Variants in CDR2 observed in about 807,000 individuals in gnomAD.
CDR2 encodes cerebellar degeneration related protein 2, also known as cerebellar degeneration-related protein 2.
In CDR2, 34 loss-of-function variants were observed where a neutral mutation model predicts 48.4. The observed-to-expected ratio is 0.70, with a 90% CI of 0.53 to 0.94. The LOEUF is 0.94. Ranked by LOEUF, CDR2 falls within the 40% of genes least tolerant of loss-of-function variation. CDR2 has a pLI of 0.00. For synonymous variants in CDR2, 240 were observed against 219.7 expected (o/e 1.09, Z -0.82); for missense variants, 498 against 549.5 (o/e 0.91, Z 0.94).
chr16:22,346,805 T>TA lies in CDR2; in HGVS notation c.*159dup, dbSNP rs2048907835. 1.3e-6 allele frequency: 1 copy of TA among 785,844 alleles called. No homozygotes were observed. The highest frequency in any genetic ancestry group is 1.7e-5 in the African/African-American group (1 of 57,796). 48.7% of individuals were successfully genotyped at this position (785,844 alleles called of 1,614,324 possible). On this transcript the variant is annotated 3_prime_UTR_variant, in exon 5 of 5. Coordinates refer to ENST00000268383, the MANE Select transcript of CDR2 (RefSeq NM_001802.2). ...AAGTGGATCAGAGAACTGATACCACTAGCCACCTCCTTTCCTCGTTGTATG... is the reference window on the plus strand; with the variant it reads ...AAGTGGATCAGAGAACTGATACCACTAAGCCACCTCCTTTCCTCGTTGTATG...
intron 2 of CDR2, among the ~76,000 whole-genome samples, chr16:22,356,428 G>A (rs2048974366): frequency 6.6e-6 from 1 of 152,146 alleles, no homozygotes; most frequent in South Asian, 2.1e-4. Flanking sequence ...GACCAGCCTG[G>A]CCAACATGGC....
In CDR2 at chr16:22,349,816, T is replaced by C. The variant is rs774478856; in HGVS notation, c.226A>G (p.Met76Val). The C allele has an allele frequency of 5.0e-6, 8 of 1,614,196 alleles. No individual in the cohort carries two copies. In the South Asian group the frequency reaches 7.7e-5, roughly 16 times the overall value. Reference protein sequence around the residue: ...LTKQVELLRQMNEQHAKVYEQ... With the variant: ...LTKQVELLRQVNEQHAKVYEQ... ...TAAACCTTTGCATGTTGTTCGTTCATCTGCCGTAGAAGTTCCACTTGCTTC... is the reference window on the plus strand; with the variant it reads ...TAAACCTTTGCATGTTGTTCGTTCACCTGCCGTAGAAGTTCCACTTGCTTC... The change falls in exon 3 of 5, where the codon ATG (methionine) becomes GTG (valine). Residue 76 changes from methionine (M) to valine (V), a missense_variant. Transcript: ENST00000268383.
chr16:22,348,997 T>G (rs1395729068), intron 4 of CDR2, among the ~76,000 whole-genome samples: 1 of 152,220 alleles, frequency 6.6e-6, no homozygotes, highest in Admixed American at 6.5e-5. Context: ...TTCACTCTAA[T>G]GTAAAACACA....
chr16:22,362,920 G>A (rs572148377), intron 2 of CDR2, among the ~76,000 whole-genome samples: 10 of 150,310 alleles, frequency 6.7e-5, no homozygotes, highest in African/African-American at 2.4e-4. Flanking sequence ...TAGTTTCTCT[G>A]CATTTTAGGT....
chr16:22,365,195 G>A (rs946976740), intron 1 of CDR2, 181 bp from the exon 2 acceptor site: 1 of 560,196 alleles, frequency 1.8e-6, no homozygotes, highest in Non-Finnish European at 3.2e-6. Flanking sequence ...AGCAGGTAAT[G>A]TATTCTCTTA....
At chr16:22,354,804 G>C (rs1004355761) in intron 2 of CDR2, among the ~76,000 whole-genome samples, 4 of 152,036 alleles carry the variant, frequency 2.6e-5, no homozygotes, top group Non-Finnish European at 5.9e-5. Flanking sequence ...TGAGGCATGA[G>C]AATCACTTGA....
rs771379181 is a variant in CDR2, at chr16:22,374,261, G to A, written c.49C>T (p.Pro17Ser). The change falls in exon 1 of 5, where the codon CCG becomes TCG. Residue 17 changes from proline (P) to serine (S), a missense_variant. Pro to Ser is a moderately conservative substitution (Grantham distance 74, BLOSUM62 -1). Coordinates refer to ENST00000268383, the MANE Select transcript of CDR2 (RefSeq NM_001802.2). The stretch of plus-strand genomic sequence containing the variant: ...TGGAGGTCCTGGTGGTCGTACCACG[G>A]CTCGTCCTCCTTCATCTCAAACTCC... The part of the protein sequence containing the change: ...VEEFEMKEDE[P>S]WYDHQDLQQD... The A allele has an allele frequency of 2.7e-5, 43 of 1,603,074 alleles. 1 individual carries two copies. In the Admixed American group the frequency reaches 5.7e-4, roughly 21 times the overall value.
chr16:22,361,536 C>CG (rs2049010357), intron 2 of CDR2, among the ~76,000 whole-genome samples: 1 of 152,188 alleles, frequency 6.6e-6, no homozygotes, highest in Non-Finnish European at 1.5e-5. Flanking sequence ...CTACATCTGC[C>CG]CAGGCACAGT....
intron 1 of CDR2, among the ~76,000 whole-genome samples, chr16:22,373,948 T>A (rs2049097812): frequency 6.6e-6 from 1 of 152,220 alleles, no homozygotes; most frequent in South Asian, 2.1e-4. Flanking sequence ...AGGATTAAAC[T>A]AGCTAATCCA....
intron 2 of CDR2, among the ~76,000 whole-genome samples, chr16:22,362,017 T>A (rs1313002786): frequency 3.4e-5 from 5 of 148,012 alleles, no homozygotes; most frequent in African/African-American, 1.2e-4. Context: ...ATCTCCTGCC[T>A]CAGCCTCCCA....
At chr16:22,369,844 CAAAAG>C (rs1259688761) in intron 1 of CDR2, among the ~76,000 whole-genome samples, 1 of 152,046 alleles carries the variant, frequency 6.6e-6, no homozygotes, top group African/African-American at 2.4e-5. Context: ...AATTAAGGCA[CAAAAG>C]AAAAGGAAAT....
chr16:22,372,909 T>C (rs923034476), intron 1 of CDR2, among the ~76,000 whole-genome samples: 2 of 152,228 alleles, frequency 1.3e-5, no homozygotes, highest in Non-Finnish European at 2.9e-5. Flanking sequence ...ACAAGCAACA[T>C]GATCATTTAA....
At chr16:22,359,828 A>G (rs950678056) in intron 2 of CDR2, among the ~76,000 whole-genome samples, 11 of 152,232 alleles carry the variant, frequency 7.2e-5, no homozygotes, top group Non-Finnish European at 1.2e-4. Context: ...CTCTGTTAAA[A>G]TACTGATTTC....
chr16:22,356,872 C>A (rs1409499245), intron 2 of CDR2, among the ~76,000 whole-genome samples: 1 of 140,572 alleles, frequency 7.1e-6, no homozygotes, highest in African/African-American at 2.7e-5. Flanking sequence ...ACCTGCGAGG[C>A]AGAAGTTGCA....
At position 22,349,730 on chromosome 16, in the gene CDR2, G is replaced by A; in HGVS notation, c.312C>T (p.Asp104=). 3 of 1,614,108 alleles carry A rather than the reference G, an allele frequency of 1.9e-6. No homozygotes were observed. The highest frequency in any genetic ancestry group is 1.1e-5 in the South Asian group (1 of 91,084). Residue 104 remains aspartate, a synonymous_variant, in exon 3 of 5, where the codon GAC becomes GAT. Transcript: ENST00000268383. The part of the protein sequence containing the change: ...LEETNQKLVA[D]SKASQQKILS... ...GAATCTTTTGCTGTGAGGCCTTGCTGTCAGCAACTAGCTTTTGATTTGTTT... is the reference window on the plus strand; with the variant it reads ...GAATCTTTTGCTGTGAGGCCTTGCTATCAGCAACTAGCTTTTGATTTGTTT...
At chr16:22,353,591 T>TG (rs1438565776) in intron 2 of CDR2, among the ~76,000 whole-genome samples, 2 of 152,202 alleles carry the variant, frequency 1.3e-5, no homozygotes, top group African/African-American at 4.8e-5. Flanking sequence ...TAGACCTTTA[T>TG]GGGCCAGAAG....
intron 1 of CDR2, 85 bp from the exon 2 acceptor site, chr16:22,365,099 T>C (rs2049036797): frequency 1.1e-6 from 1 of 890,136 alleles, no homozygotes; most frequent in Non-Finnish European, 1.8e-6. Context: ...AAAGAACATG[T>C]AGTTTAAGTC....
Position 22,347,779 on chromosome 16 carries a change from A to C in CDR2, c.551T>G (p.Leu184Trp). ...DHVFAEKITS[L>W]QGQPSPDEEE... ...TTCATCAGGGCTTGGCTGACCTTGC[A>C]AGGAAGTGATCTTCTCAGCGAACAC... The change falls in exon 5 of 5, where the codon TTG becomes TGG. Residue 184 changes from leucine to tryptophan, a missense_variant. Transcript: ENST00000268383. The C allele has an allele frequency of 6.2e-7, 1 of 1,613,904 alleles. No homozygotes were observed. Among genetic ancestry groups the C allele is most frequent in the Non-Finnish European group, 8.5e-7 (1 of 1,180,002 alleles).
At chr16:22,349,244 C>A in intron 4 of CDR2, 35 bp downstream of exon 4, 2 of 1,610,626 alleles carry the variant, frequency 1.2e-6, no homozygotes, top group Admixed American at 1.7e-5. Context: ...ATGAGACAGT[C>A]CCTGCTGTAA....
Sources: allele counts gnomAD v4.1 joint callset (sites outside exome capture counted in the v4.1 genomes callset), GRCh38; gene constraint gnomAD v4.1.1; transcripts MANE v1.5; gene names NCBI Gene and HGNC (gene_info 2026-07-23, HGNC 2026-07-21).